The following CSMD1 variants were observed in gnomAD, a reference collection of about 807,000 sequenced individuals.
The protein encoded by CSMD1 is CUB and sushi domain-containing protein 1.
Under a neutral mutation model 417.5 loss-of-function variants are expected in CSMD1, and 213 were observed. That is an observed-to-expected ratio of 0.51 (90% CI 0.46 to 0.57). The LOEUF (loss-of-function observed/expected upper bound fraction) is 0.57. CSMD1 is among the 20% of genes least tolerant of loss of function. CSMD1 has a pLI of 0.00. For missense variants in CSMD1, 6,923 were observed against 4,529.7 expected (o/e 1.53, Z -15.17); for synonymous variants, 2,862 against 1,736.8 (o/e 1.65, Z -16.11).
At chr8:4,983,829 T>C (rs1169806784) in intron 1 of CSMD1, among the ~76,000 whole-genome samples, 7 of 84,946 alleles carry the variant, frequency 8.2e-5, no homozygotes, top group Admixed American at 1.8e-4. Context: ...AGAGATTGGG[T>C]GATCAACATA....
intron 5 of CSMD1, among the ~76,000 whole-genome samples, chr8:3,853,103 C>A (rs1009899272): frequency 1.3e-5 from 2 of 152,282 alleles, no homozygotes; most frequent in South Asian, 2.1e-4. Flanking sequence ...CCTCATCATT[C>A]TTGATCCAAA....
At chr8:4,384,114 C>G (rs768317989) in intron 3 of CSMD1, among the ~76,000 whole-genome samples, 1 of 152,160 alleles carries the variant, frequency 6.6e-6, no homozygotes, top group Admixed American at 6.5e-5. Context: ...AGCATCAACA[C>G]AGGCTTCAGC....
chr8:4,096,085 T>C (rs757636096), intron 3 of CSMD1, among the ~76,000 whole-genome samples: 2 of 152,126 alleles, frequency 1.3e-5, no homozygotes, highest in Non-Finnish European at 2.9e-5. Flanking sequence ...ATGTTATATG[T>C]TATCACAAGA....
chr8:4,838,940 T>A (rs773724933), intron 1 of CSMD1, among the ~76,000 whole-genome samples: 1 of 152,258 alleles, frequency 6.6e-6, no homozygotes, highest in Non-Finnish European at 1.5e-5. Flanking sequence ...AAAGACAAAT[T>A]TGACAAATTC....
chr8:4,862,145 C>T (rs998432327), intron 1 of CSMD1, among the ~76,000 whole-genome samples: 1 of 151,938 alleles, frequency 6.6e-6, no homozygotes, highest in African/African-American at 2.4e-5. Context: ...AAGGAGGCAT[C>T]AGGGAGTGAA....
chr8:4,264,918 C>T (rs867834000), intron 3 of CSMD1, among the ~76,000 whole-genome samples: 1 of 152,104 alleles, frequency 6.6e-6, no homozygotes, highest in Non-Finnish European at 1.5e-5. Context: ...GTTTAAGTCC[C>T]ATTTCTAAAC....
intron 2 of CSMD1, among the ~76,000 whole-genome samples, chr8:4,518,664 C>T (rs187441824): frequency 6.0e-4 from 90 of 149,138 alleles, no homozygotes; most frequent in East Asian, 3.8e-3. Flanking sequence ...ATACCTAATG[C>T]TAAATGACGA....
intron 1 of CSMD1, among the ~76,000 whole-genome samples, chr8:4,925,546 T>TC (rs1806799787): frequency 6.6e-6 from 1 of 150,568 alleles, no homozygotes; most frequent in Non-Finnish European, 1.5e-5. Context: ...TCTTTTTTTT[T>TC]TCTTTTTTCT....
Position 3,299,231 on chromosome 8 carries a change from C to T in CSMD1, c.3950+8464G>A, listed in dbSNP as rs571537556. On this transcript the variant is annotated intron_variant, in intron 25 of 69. Coordinates refer to ENST00000635120, the MANE Select transcript of CSMD1 (RefSeq NM_033225.6). Reference sequence around the variant, plus strand: ...TTTTGGGAGGCCGAGGTGGGTGGATCGCCTGAGGTCAGGAGTTCGAGACCA... The same window carrying T: ...TTTTGGGAGGCCGAGGTGGGTGGATTGCCTGAGGTCAGGAGTTCGAGACCA... 2.9e-4 allele frequency among the ~76,000 whole-genome samples: 44 copies of T among 152,162 alleles called. No homozygotes were observed. The South Asian group carries it at 2.9e-3, about 10-fold the overall frequency.
chr8:3,734,668 G>T (rs549638041), intron 6 of CSMD1, among the ~76,000 whole-genome samples: 2 of 152,152 alleles, frequency 1.3e-5, no homozygotes, highest in Non-Finnish European at 2.9e-5. Context: ...CCAAAACTAC[G>T]CCACTGCACT....
At chr8:3,083,110 T>G (rs1230917113) in intron 49 of CSMD1, among the ~76,000 whole-genome samples, 1 of 152,294 alleles carries the variant, frequency 6.6e-6, no homozygotes, top group South Asian at 2.1e-4. Context: ...TATTTATTTT[T>G]ATTTCATAAT....
At chr8:3,932,870 T>G (rs1218894613) in intron 5 of CSMD1, among the ~76,000 whole-genome samples, 1 of 150,476 alleles carries the variant, frequency 6.6e-6, no homozygotes, top group African/African-American at 2.4e-5. Context: ...TGTGTAAAGT[T>G]AAATGTTTTT....
chr8:4,825,743 C>A (rs1472132317), intron 1 of CSMD1, among the ~76,000 whole-genome samples: 3 of 149,548 alleles, frequency 2.0e-5, no homozygotes, highest in African/African-American at 7.4e-5. Context: ...GGGTTAATAT[C>A]TGAGATATAG....
intron 3 of CSMD1, among the ~76,000 whole-genome samples, chr8:4,256,149 A>G (rs1184062593): frequency 6.6e-6 from 1 of 152,176 alleles, no homozygotes; most frequent in Non-Finnish European, 1.5e-5. Flanking sequence ...ATCACTATGT[A>G]GCCTGCCAGA....
At chr8:4,877,508 C>T (rs1329570629) in intron 1 of CSMD1, among the ~76,000 whole-genome samples, 1 of 152,054 alleles carries the variant, frequency 6.6e-6, no homozygotes, top group Non-Finnish European at 1.5e-5. Context: ...TCTTCCCGAT[C>T]CCCTAAACTT....
intron 7 of CSMD1, among the ~76,000 whole-genome samples, chr8:3,688,404 G>C (rs775897055): frequency 1.3e-5 from 2 of 152,154 alleles, no homozygotes; most frequent in Non-Finnish European, 2.9e-5. Flanking sequence ...GAGGTGCTTT[G>C]AATTTAGATT....
intron 3 of CSMD1, among the ~76,000 whole-genome samples, chr8:4,201,239 G>A (rs187728202): frequency 1.3e-5 from 2 of 152,262 alleles, no homozygotes; most frequent in Admixed American, 6.5e-5. Context: ...GAGTATGGTT[G>A]TAAGTAAAAA....
chr8:4,434,021 G>C (rs188978661), intron 2 of CSMD1, among the ~76,000 whole-genome samples: 2 of 152,236 alleles, frequency 1.3e-5, no homozygotes, highest in Admixed American at 1.3e-4. Flanking sequence ...TCTTTTCAAA[G>C]ATATGACAAG....
chr8:4,450,938 G>C (rs868348196), intron 2 of CSMD1, among the ~76,000 whole-genome samples: 1 of 151,924 alleles, frequency 6.6e-6, no homozygotes, highest in Non-Finnish European at 1.5e-5. Flanking sequence ...GCCAATAAAA[G>C]AACCCATACA....
Sources: allele counts gnomAD v4.1 joint callset (sites outside exome capture counted in the v4.1 genomes callset), GRCh38; gene constraint gnomAD v4.1.1; transcripts MANE v1.5; gene names NCBI Gene and HGNC (gene_info 2026-07-23, HGNC 2026-07-21).